The following PAFAH1B1 variants were observed in gnomAD, a reference collection of about 807,000 sequenced individuals.
PAFAH1B1 encodes platelet-activating factor acetylhydrolase IB subunit beta.
In PAFAH1B1, 2 loss-of-function variants were observed where a neutral mutation model predicts 57.5. The observed-to-expected ratio is 0.03, with a 90% CI of 0.01 to 0.11. The LOEUF (loss-of-function observed/expected upper bound fraction) is 0.11, where lower values mean the gene tolerates loss of function less well. PAFAH1B1 is among the 10% of genes least tolerant of loss of function. The pLI, the probability that PAFAH1B1 is intolerant of heterozygous loss-of-function variation, is 1.00. For synonymous variants in PAFAH1B1, 152 were observed against 169.6 expected, an observed-to-expected ratio of 0.90 and a Z score of 0.81; for missense variants, 257 against 512.0, an observed-to-expected ratio of 0.50 and a Z score of 4.81.
rs894705975 is a variant in PAFAH1B1 at position 2,652,245 on chromosome 17, C to A, written c.33-13127C>A. Reference sequence around the variant, plus strand: ...CTAACACGGTGAAACCCCGTCTCTACTAAAAATACAAAAAAAAAAATTGGC... The same window carrying A: ...CTAACACGGTGAAACCCCGTCTCTAATAAAAATACAAAAAAAAAAATTGGC... On this transcript the variant is annotated intron_variant, in intron 2 of 10. Transcript: ENST00000397195. Among the ~76,000 whole-genome samples, 4 of 151,854 alleles carry A rather than the reference C, an allele frequency of 2.6e-5. No homozygotes were observed. The South Asian group carries it at 6.2e-4, about 24-fold the overall frequency.
intron 2 of PAFAH1B1, among the ~76,000 whole-genome samples, chr17:2,656,084 G>A (rs967063146): frequency 3.3e-5 from 5 of 151,908 alleles, no homozygotes; most frequent in African/African-American, 1.2e-4. Context: ...CACCACGCCC[G>A]GCTAATTTTT....
chr17:2,630,108 T>C (rs533374038), intron 1 of PAFAH1B1, among the ~76,000 whole-genome samples: 56 of 152,318 alleles, frequency 3.7e-4, no homozygotes, highest in African/African-American at 1.3e-3. Context: ...AAATGTGAGG[T>C]ACCGCGGCAT....
chr17:2,651,584 CAAAAAAAA>C (rs572952878), intron 2 of PAFAH1B1, among the ~76,000 whole-genome samples: 1 of 107,298 alleles, frequency 9.3e-6, no homozygotes, highest in African/African-American at 3.5e-5. Context: ...GACTCCATCT[CAAAAAAAA>C]AAAAAAGAAA....
chr17:2,598,162 T>C (rs549966808), intron 1 of PAFAH1B1, among the ~76,000 whole-genome samples: 4 of 152,104 alleles, frequency 2.6e-5, no homozygotes, highest in Non-Finnish European at 5.9e-5. Flanking sequence ...GGCAGGAGAA[T>C]TGCTTGAACC....
chr17:2,608,759 TAAAAATA>T (rs2068233911), intron 1 of PAFAH1B1, among the ~76,000 whole-genome samples: 1 of 152,238 alleles, frequency 6.6e-6, no homozygotes, highest in Admixed American at 6.5e-5. Flanking sequence ...ACCTCATCTC[TAAAAATA>T]AAAAATGATT....
At chr17:2,665,533 G>A (rs1055718657) in intron 3 of PAFAH1B1, 77 bp downstream of exon 3, 35 of 843,484 alleles carry the variant, frequency 4.1e-5, no homozygotes, top group African/African-American at 8.4e-5. Flanking sequence ...TAACAGTTAC[G>A]CACAATTTTG....
intron 1 of PAFAH1B1, chr17:2,635,359 T>A (rs1464517146): frequency 6.6e-6 from 1 of 152,316 alleles, no homozygotes; most frequent in East Asian, 1.9e-4. Flanking sequence ...GTCATCATTC[T>A]TTCTTTTATT....
chr17:2,612,375 T>C (rs914493076), intron 1 of PAFAH1B1, among the ~76,000 whole-genome samples: 1 of 150,950 alleles, frequency 6.6e-6, no homozygotes, highest in Admixed American at 6.6e-5. Context: ...GGCTAATTTT[T>C]TGTATTTTTT....
intron 1 of PAFAH1B1, among the ~76,000 whole-genome samples, chr17:2,630,576 G>GAC (rs1303002948): frequency 6.6e-6 from 1 of 152,182 alleles, no homozygotes; most frequent in Non-Finnish European, 1.5e-5. Flanking sequence ...ATAACCTGAT[G>GAC]ACAGTGTGCC....
intron 2 of PAFAH1B1, among the ~76,000 whole-genome samples, chr17:2,660,319 G>C (rs1380428295): frequency 1.3e-5 from 2 of 151,974 alleles, no homozygotes; most frequent in Admixed American, 6.6e-5. Flanking sequence ...TGCCATGGTG[G>C]TTTGCTGCAC....
chr17:2,652,215 C>G (rs996743044), intron 2 of PAFAH1B1, among the ~76,000 whole-genome samples: 1 of 152,002 alleles, frequency 6.6e-6, no homozygotes, highest in African/African-American at 2.4e-5. Flanking sequence ...TCGAGACCAT[C>G]CTGGCTAACA....
At chr17:2,638,435 T>C in intron 2 of PAFAH1B1, 115 bp downstream of exon 2, 1 of 820,178 alleles carries the variant, frequency 1.2e-6, no homozygotes, top group Non-Finnish European at 2.1e-6. Flanking sequence ...TTTACCAGTG[T>C]TCCAATATTA....
At chr17:2,643,160 A>C (rs2068719355) in intron 2 of PAFAH1B1, among the ~76,000 whole-genome samples, 1 of 151,276 alleles carries the variant, frequency 6.6e-6, no homozygotes, top group African/African-American at 2.4e-5. Context: ...TGGCATGATC[A>C]TGGCTCACTG....
intron 2 of PAFAH1B1, among the ~76,000 whole-genome samples, chr17:2,647,384 A>G (rs2068783214): frequency 6.6e-6 from 1 of 151,126 alleles, no homozygotes; most frequent in Non-Finnish European, 1.5e-5. Flanking sequence ...AAATACAAAA[A>G]TTAGCTGGGC....
At chr17:2,623,932 C>G (rs1296420618) in intron 1 of PAFAH1B1, among the ~76,000 whole-genome samples, 1 of 152,130 alleles carries the variant, frequency 6.6e-6, no homozygotes, top group Non-Finnish European at 1.5e-5. Flanking sequence ...GAGCCACTGC[C>G]CCTGGTTGCT....
At chr17:2,606,520 G>C (rs1285139664) in intron 1 of PAFAH1B1, among the ~76,000 whole-genome samples, 1 of 152,008 alleles carries the variant, frequency 6.6e-6, no homozygotes, top group Non-Finnish European at 1.5e-5. Context: ...CTGCCACCAA[G>C]CCAAGCTAAT....
chr17:2,665,726 C>T (rs964468259), intron 3 of PAFAH1B1, among the ~76,000 whole-genome samples: 2 of 151,994 alleles, frequency 1.3e-5, no homozygotes, highest in Non-Finnish European at 2.9e-5. Context: ...TTCAGCCTTC[C>T]GAGTAGCTGG....
In PAFAH1B1 at chr17:2,680,259, T is replaced by G. The variant is rs1480306161; in HGVS notation, c.1098T>G (p.Asp366Glu). Residue 366 changes from aspartate to glutamate, a missense_variant, in exon 10 of 11, where the codon GAT becomes GAG. Transcript: ENST00000397195. ...ATGACAAGACCCTACGCGTATGGGA[T>G]TACAAGAACAAGCGATGCATGAAGA... ...CADDKTLRVW[D>E]YKNKRCMKTL... 1 of 1,613,992 alleles carries G rather than the reference T, an allele frequency of 6.2e-7. No homozygotes were observed. The highest frequency in any genetic ancestry group is 1.3e-5 in the African/African-American group (1 of 74,916).
chr17:2,668,802 C>T (rs528379982), intron 5 of PAFAH1B1, among the ~76,000 whole-genome samples: 10 of 152,120 alleles, frequency 6.6e-5, no homozygotes, highest in African/African-American at 1.2e-4. Context: ...GGTGAAACCC[C>T]GTCTCTACTA....
Sources: gnomAD v4.1 joint callset for allele counts (sites outside exome capture counted in the v4.1 genomes callset) on GRCh38, gnomAD v4.1.1 for gene constraint, MANE v1.5 for transcripts, NCBI Gene and HGNC (gene_info 2026-07-23, HGNC 2026-07-21) for gene names.